Variants in SLIT2 observed in about 807,000 individuals in gnomAD.
SLIT2 encodes slit guidance ligand 2.
In SLIT2, 41 loss-of-function variants were observed where a neutral mutation model predicts 185.7. The ratio of observed to expected loss-of-function variants is 0.22; its 90% CI spans 0.17 to 0.29. The LOEUF (loss-of-function observed/expected upper bound fraction) is 0.29, where lower values mean the gene tolerates loss of function less well. Among genes scored for constraint, SLIT2 ranks in the 10% least tolerant of loss-of-function variants. SLIT2 has a pLI of 1.00. For missense variants in SLIT2, 1,571 were observed against 1,909.0 expected (o/e 0.82, Z 3.30); for synonymous variants, 693 against 680.2 (o/e 1.02, Z -0.29).
intron 4 of SLIT2, among the ~76,000 whole-genome samples, chr4:20,321,749 C>G (rs1192385966): frequency 6.6e-6 from 1 of 152,158 alleles, no homozygotes. Context: ...CAGATTTTTT[C>G]TATTAGTCAC....
intron 4 of SLIT2, among the ~76,000 whole-genome samples, chr4:20,393,114 G>A (rs1201434496): frequency 6.6e-6 from 1 of 151,922 alleles, no homozygotes; most frequent in African/African-American, 2.4e-5. Context: ...CCACATCACG[G>A]GGTGACGGGA....
chr4:20,567,338 T>C lies in SLIT2; in HGVS notation c.2802T>C (p.Asn934=). Reference sequence around the variant, plus strand: ...CGTGTAAAAATGATGGCACATGTAATAGTGATCCAGTTGACTTTTACCGAT... The same window carrying C: ...CGTGTAAAAATGATGGCACATGTAACAGTGATCCAGTTGACTTTTACCGAT... ...SNPCKNDGTC[N]SDPVDFYRCT... Residue 934 remains asparagine, a synonymous_variant, in exon 27 of 37, where the codon AAT becomes AAC. Coordinates refer to ENST00000504154, the MANE Select transcript of SLIT2 (RefSeq NM_004787.4). 6.2e-7 allele frequency: 1 copy of C among 1,613,106 alleles called. No homozygotes were observed.
At chr4:20,472,386 G>GAGATATAGATATCTATATATCTATATAGA (rs1560453735) in intron 5 of SLIT2, among the ~76,000 whole-genome samples, 1 of 38,394 alleles carries the variant, frequency 2.6e-5, no homozygotes, top group East Asian at 1.3e-3. Context: ...CTATATATAT[G>GAGATATAGATATCTATATATCTATATAGA]TAGATATATA....
chr4:20,407,906 A>T (rs570012953), intron 4 of SLIT2, among the ~76,000 whole-genome samples: 1 of 152,194 alleles, frequency 6.6e-6, no homozygotes, highest in Non-Finnish European at 1.5e-5. Flanking sequence ...CTATTCTGTG[A>T]TCAAAAGCAA....
intron 11 of SLIT2, among the ~76,000 whole-genome samples, chr4:20,518,136 T>C (rs1199987963): frequency 7.1e-6 from 1 of 140,756 alleles, no homozygotes; most frequent in Non-Finnish European, 1.5e-5. Context: ...TACATATACA[T>C]ATATTTATAT....
chr4:20,561,427 T>G (rs1347577636), intron 26 of SLIT2, among the ~76,000 whole-genome samples: 2 of 151,710 alleles, frequency 1.3e-5, no homozygotes, highest in Non-Finnish European at 2.9e-5. Flanking sequence ...TTTGGACGAG[T>G]TTTTGATAGG....
chr4:20,589,974 C>T (rs567982049), intron 30 of SLIT2, among the ~76,000 whole-genome samples: 91 of 140,284 alleles, frequency 6.5e-4, no homozygotes, highest in East Asian at 2.2e-3. Context: ...GGCACGATCT[C>T]GGCTCACTAC....
At chr4:20,559,856 A>G (rs1441679432) in intron 26 of SLIT2, among the ~76,000 whole-genome samples, 1 of 151,982 alleles carries the variant, frequency 6.6e-6, no homozygotes, top group Non-Finnish European at 1.5e-5. Flanking sequence ...TTCAGTGTAA[A>G]TAAGATTGCC....
At chr4:20,503,260 C>G (rs572003506) in intron 9 of SLIT2, among the ~76,000 whole-genome samples, 1 of 152,192 alleles carries the variant, frequency 6.6e-6, no homozygotes, top group South Asian at 2.1e-4. Flanking sequence ...TGGAGAATAA[C>G]TCAGTGCAGG....
intron 3 of SLIT2, among the ~76,000 whole-genome samples, chr4:20,264,312 A>G (rs954284164): frequency 1.3e-5 from 2 of 151,850 alleles, no homozygotes; most frequent in African/African-American, 2.4e-5. Context: ...ATGCTTGATC[A>G]TTCATGTAGG....
At chr4:20,440,315 C>T (rs1729652776) in intron 4 of SLIT2, among the ~76,000 whole-genome samples, 1 of 152,166 alleles carries the variant, frequency 6.6e-6, no homozygotes, top group African/African-American at 2.4e-5. Context: ...GTTGAAACTA[C>T]ATCTGGGCTT....
intron 33 of SLIT2, among the ~76,000 whole-genome samples, chr4:20,599,142 C>T (rs796207723): frequency 5.9e-5 from 9 of 152,232 alleles, no homozygotes; most frequent in African/African-American, 2.2e-4. Flanking sequence ...TGGATTCATA[C>T]AATGTTGTCT....
At chr4:20,428,119 C>G (rs955619497) in intron 4 of SLIT2, among the ~76,000 whole-genome samples, 4 of 152,200 alleles carry the variant, frequency 2.6e-5, no homozygotes, top group Admixed American at 2.0e-4. Flanking sequence ...CTCTTAATGT[C>G]ATGTGTTTGA....
intron 4 of SLIT2, among the ~76,000 whole-genome samples, chr4:20,292,121 T>A (rs546304433): frequency 2.0e-5 from 3 of 152,324 alleles, no homozygotes; most frequent in South Asian, 2.1e-4. Flanking sequence ...CCAATTCTCC[T>A]TTCAGATGAG....
chr4:20,493,029 T>A (rs915733799), intron 9 of SLIT2, among the ~76,000 whole-genome samples: 4 of 152,288 alleles, frequency 2.6e-5, no homozygotes, highest in African/African-American at 9.6e-5. Context: ...AAATTTTAAT[T>A]GATAGAACAT....
intron 4 of SLIT2, among the ~76,000 whole-genome samples, chr4:20,277,945 T>G (rs1337164478): frequency 6.6e-6 from 1 of 151,842 alleles, no homozygotes; most frequent in Non-Finnish European, 1.5e-5. Flanking sequence ...GTGATAACAT[T>G]TGGAAGATGT....
chr4:20,414,444 CCTCT>C (rs938541369), intron 4 of SLIT2, among the ~76,000 whole-genome samples: 7 of 151,980 alleles, frequency 4.6e-5, no homozygotes, highest in African/African-American at 7.2e-5. Flanking sequence ...TATACAGTTA[CCTCT>C]CTATTTTTTC....
intron 4 of SLIT2, among the ~76,000 whole-genome samples, chr4:20,336,615 G>C (rs1371875359): frequency 6.6e-6 from 1 of 151,994 alleles, no homozygotes. Context: ...CACCAACATG[G>C]CACATGTATA....
chr4:20,409,430 C>T (rs954544399), intron 4 of SLIT2, among the ~76,000 whole-genome samples: 2 of 152,186 alleles, frequency 1.3e-5, no homozygotes, highest in African/African-American at 4.8e-5. Flanking sequence ...CATAGTATTC[C>T]ATGGTGTATA....
Sources: gnomAD v4.1 joint callset for allele counts (sites outside exome capture counted in the v4.1 genomes callset) on GRCh38, gnomAD v4.1.1 for gene constraint, MANE v1.5 for transcripts, NCBI Gene and HGNC (gene_info 2026-07-23, HGNC 2026-07-21) for gene names.